PRIM2: variants seen among roughly 807,000 people sequenced by gnomAD.
The protein encoded by PRIM2 is DNA primase subunit 2.
A neutral mutation model predicts 67.3 loss-of-function variants in PRIM2; 39 were observed. The observed-to-expected ratio is 0.58, with a 90% confidence interval of 0.45 to 0.76. The LOEUF (loss-of-function observed/expected upper bound fraction) is 0.76. Among genes scored for constraint, PRIM2 ranks in the 30% least tolerant of loss-of-function variants. The probability of loss-of-function intolerance (pLI) is 0.00; values close to 1 mark genes in which losing one functional copy is unlikely to be tolerated. For synonymous variants in PRIM2, 143 were observed against 198.7 expected (o/e 0.72, Z 2.36); for missense variants, 398 against 598.7 (o/e 0.66, Z 3.50).
intron 8 of PRIM2, among the ~76,000 whole-genome samples, chr6:57,531,628 A>G (rs1774893712): frequency 6.6e-6 from 1 of 152,200 alleles, no homozygotes; most frequent in Non-Finnish European, 1.5e-5. Context: ...TAATTTGAAG[A>G]TAATCATGCA....
At chr6:57,274,027 G>C in the PRIM2 span, among the ~76,000 whole-genome samples, 1 of 152,178 alleles carries the variant, frequency 6.6e-6, no homozygotes, top group Non-Finnish European at 1.5e-5. Flanking sequence ...TAAGGTGTCA[G>C]TCCGCCCCTA....
At chr6:57,449,178 T>G (rs1772456496) in intron 7 of PRIM2, among the ~76,000 whole-genome samples, 1 of 152,172 alleles carries the variant, frequency 6.6e-6, no homozygotes, top group Non-Finnish European at 1.5e-5. Flanking sequence ...GGGATTAATT[T>G]GGAAAGTAAA....
At chr6:57,562,013 G>A (rs1188556008) in intron 10 of PRIM2, among the ~76,000 whole-genome samples, 1 of 152,118 alleles carries the variant, frequency 6.6e-6, no homozygotes, top group Non-Finnish European at 1.5e-5. Flanking sequence ...GAGGCCTGAG[G>A]AGAGGGAGAG....
At chr6:57,238,203 C>T in the PRIM2 span, among the ~76,000 whole-genome samples, 2 of 152,194 alleles carry the variant, frequency 1.3e-5, no homozygotes, top group Non-Finnish European at 2.9e-5. Context: ...CAGCTCTGCA[C>T]CAAGCAGACC....
chr6:57,580,433 G>T (rs1466877549), intron 10 of PRIM2, among the ~76,000 whole-genome samples: 2 of 152,074 alleles, frequency 1.3e-5, no homozygotes, highest in African/African-American at 2.4e-5. Context: ...ATTTCATATG[G>T]GTTTTGTATG....
At chr6:57,562,549 T>G (rs1775656028) in intron 10 of PRIM2, among the ~76,000 whole-genome samples, 1 of 152,168 alleles carries the variant, frequency 6.6e-6, no homozygotes, top group African/African-American at 2.4e-5. Flanking sequence ...CTCCCTGAGC[T>G]CTAGACCCAG....
At chr6:57,272,512 A>G in the PRIM2 span, among the ~76,000 whole-genome samples, 5 of 152,126 alleles carry the variant, frequency 3.3e-5, no homozygotes, top group African/African-American at 4.8e-5. Context: ...TTTTGAGCCT[A>G]TGTGTGTCTC....
chr6:57,517,565 C>T (rs1464458793), intron 8 of PRIM2, among the ~76,000 whole-genome samples: 5 of 151,820 alleles, frequency 3.3e-5, no homozygotes, highest in African/African-American at 1.2e-4. Context: ...TTTCAGCAAC[C>T]AATTTTAGTT....
chr6:57,382,519 A>G (rs575914754), intron 7 of PRIM2: 72 of 167,754 alleles, frequency 4.3e-4, no homozygotes, highest in African/African-American at 1.7e-3. Flanking sequence ...TATAACTCCT[A>G]GATTTCTGTT....
intron 7 of PRIM2, among the ~76,000 whole-genome samples, chr6:57,392,189 T>A (rs796616526): frequency 1.3e-5 from 2 of 152,104 alleles, no homozygotes; most frequent in Admixed American, 1.3e-4. Flanking sequence ...TTTGTTGGTG[T>A]ATAGGAATGC....
chr6:57,289,562 C>T, the PRIM2 span, among the ~76,000 whole-genome samples: 3 of 152,236 alleles, frequency 2.0e-5, no homozygotes, highest in East Asian at 1.9e-4. Flanking sequence ...AGAGAAAGGT[C>T]GGGTTACCCA....
chr6:57,262,568 T>C, the PRIM2 span, among the ~76,000 whole-genome samples: 1 of 152,076 alleles, frequency 6.6e-6, no homozygotes, highest in South Asian at 2.1e-4. Flanking sequence ...CTGAAACTTT[T>C]CCAGGGTCAC....
intron 7 of PRIM2, among the ~76,000 whole-genome samples, chr6:57,479,003 G>A (rs1377164293): frequency 2.6e-5 from 4 of 152,136 alleles, no homozygotes; most frequent in Non-Finnish European, 4.4e-5. Context: ...AAAATTAGCC[G>A]GGTGTGGTGG....
chr6:57,589,435 A>C (rs1324319726), intron 10 of PRIM2, among the ~76,000 whole-genome samples: 3 of 151,870 alleles, frequency 2.0e-5, no homozygotes, highest in East Asian at 3.9e-4. Context: ...GGTGGAAGAG[A>C]GTTTGGGAGA....
chr6:57,260,192 A>G, the PRIM2 span, among the ~76,000 whole-genome samples: 5 of 152,240 alleles, frequency 3.3e-5, no homozygotes, highest in Non-Finnish European at 5.9e-5. Context: ...ACATCTTTGC[A>G]TTTAAGAAGT....
the PRIM2 span, among the ~76,000 whole-genome samples, chr6:57,285,961 T>C: frequency 4.6e-5 from 7 of 152,112 alleles, no homozygotes; most frequent in Admixed American, 3.9e-4. Flanking sequence ...TATACACAAA[T>C]AATAGACAAA....
the PRIM2 span, among the ~76,000 whole-genome samples, chr6:57,269,950 G>A: frequency 2.6e-4 from 40 of 152,220 alleles, no homozygotes; most frequent in Admixed American, 2.6e-3. Context: ...TAGATATGCG[G>A]CATTATTTCT....
intron 7 of PRIM2, among the ~76,000 whole-genome samples, chr6:57,495,185 T>C (rs1203360192): frequency 1.3e-5 from 2 of 152,214 alleles, no homozygotes; most frequent in Non-Finnish European, 2.9e-5. Flanking sequence ...AATAGTCTCA[T>C]TTATTTTTAA....
At chr6:57,604,847 T>C (rs1739261780) in intron 11 of PRIM2, among the ~76,000 whole-genome samples, 1 of 151,936 alleles carries the variant, frequency 6.6e-6, no homozygotes. Flanking sequence ...CCTGCCGCCA[T>C]GCCCAGCTAA....
Sources: allele counts gnomAD v4.1 joint callset (sites outside exome capture counted in the v4.1 genomes callset), GRCh38; gene constraint gnomAD v4.1.1; transcripts MANE v1.5; gene names NCBI Gene and HGNC (gene_info 2026-07-23, HGNC 2026-07-21).